The following MED27 variants were observed in gnomAD, a reference collection of about 807,000 sequenced individuals.
MED27 encodes the protein mediator complex subunit 27.
A neutral mutation model predicts 38.2 loss-of-function variants in MED27; 30 were observed. That is an observed-to-expected ratio of 0.79 (90% CI 0.59 to 1.07). MED27 has a LOEUF of 1.07. MED27 is among the 50% of genes least tolerant of loss of function. The pLI, the probability that MED27 is intolerant of heterozygous loss-of-function variation, is 0.00. For synonymous variants in MED27, 122 were observed against 153.5 expected (o/e 0.79, Z 1.52); for missense variants, 289 against 397.5 (o/e 0.73, Z 2.32).
rs1337041272 is a variant in MED27, at chr9:132,077,576, G to A, written c.214C>T (p.Arg72Cys). The change falls in exon 2 of 8, where the codon CGT becomes TGT. Residue 72 changes from arginine (R) to cysteine (C), a missense_variant. Transcript: ENST00000292035. ...GGCTTGCCTACCAGATTGCTCAGAC[G>A]TTCCAGCTCACTGAAAAGCAAAGAG... is the stretch of plus-strand genomic sequence containing the variant. ...SVNRDLNELERLSNLVGKPSE... is the reference protein window; with the variant it reads ...SVNRDLNELECLSNLVGKPSE... 11 of 1,613,928 alleles carry A rather than the reference G, an allele frequency of 6.8e-6. No homozygotes were observed. Among genetic ancestry groups the A allele is most frequent in the African/African-American group, 1.3e-5 (1 of 74,906 alleles).
intron 2 of MED27, among the ~76,000 whole-genome samples, chr9:132,030,136 AG>A (rs1234767601): frequency 6.6e-6 from 1 of 152,218 alleles, no homozygotes; most frequent in African/African-American, 2.4e-5. Context: ...AAGCCTGACC[AG>A]TGTTAGGGGA....
rs187155629 is a variant in MED27, at chr9:131,976,032, G to A, written c.480-36558C>T. ...CAGGGTCTGTGATCAAAGGCCATGG[G>A]GTGTGAGGTAGGCAGTTTTCCACGA... On this transcript the variant is annotated intron_variant, in intron 3 of 7. Transcript: ENST00000292035. Among the ~76,000 whole-genome samples the A allele has an allele frequency of 8.2e-4, 125 of 152,248 alleles. 1 individual carries two copies. The highest frequency in any genetic ancestry group is 7.1e-3 in the Admixed American group (108 of 15,296).
At chr9:131,970,080 G>A (rs570081872) in intron 3 of MED27, among the ~76,000 whole-genome samples, 143 of 152,310 alleles carry the variant, frequency 9.4e-4, no homozygotes, top group Non-Finnish European at 1.5e-3. Context: ...GCCCTGCAGC[G>A]GGAGCCTTGA....
rs528125447 is a variant in MED27, at chr9:131,869,453, G to C, written c.724-6313C>G. 11 of 964,346 alleles carry C rather than the reference G, an allele frequency of 1.1e-5. No homozygotes were observed. In the African/African-American group the frequency reaches 1.8e-4, roughly 15 times the overall value. The allele number at this position is 964,346 out of a possible 1,614,324, so 59.7% of individuals were successfully genotyped here. On this transcript the variant is annotated intron_variant, in intron 6 of 7. Coordinates refer to ENST00000292035, the MANE Select transcript of MED27 (RefSeq NM_004269.4). ...ATCCACTCTGTGGCAGCCGAGGTTC[G>C]GTCCCATTGTGCGGCAAAGCTAATG...
At chr9:131,874,130 C>G (rs1361676216) in intron 6 of MED27, among the ~76,000 whole-genome samples, 1 of 152,218 alleles carries the variant, frequency 6.6e-6, no homozygotes, top group Non-Finnish European at 1.5e-5. Flanking sequence ...GCAATGCCGG[C>G]TCCTGGAGGA....
chr9:132,065,834 G>C, intron 2 of MED27, among the ~76,000 whole-genome samples: 1 of 152,204 alleles, frequency 6.6e-6, no homozygotes, highest in East Asian at 1.9e-4. Context: ...TACCTTAATG[G>C]GCCTCAATGG....
At position 131,881,054 on chromosome 9, in the gene MED27, A is replaced by C. The variant is rs532334250; in HGVS notation, c.723+3004T>G. ...AAGTCATCATTGGCCTTTTGTGGAG[A>C]CTGGAGGAGGGAACTCATTGCAATA... On this transcript the variant is annotated intron_variant, in intron 6 of 7. Transcript: ENST00000292035. Among the ~76,000 whole-genome samples, 3 of 152,284 alleles carry C rather than the reference A, an allele frequency of 2.0e-5. No individual in the cohort carries two copies. The South Asian group carries it at 6.2e-4, about 32-fold the overall frequency.
chr9:131,895,793 C>G (rs937873217), intron 4 of MED27, among the ~76,000 whole-genome samples: 3 of 151,948 alleles, frequency 2.0e-5, no homozygotes, highest in Non-Finnish European at 4.4e-5. Flanking sequence ...ACTGAAAATC[C>G]CTATCTAAGG....
intron 1 of MED27, among the ~76,000 whole-genome samples, chr9:132,077,912 G>C (rs1164667373): frequency 1.3e-5 from 2 of 152,104 alleles, no homozygotes; most frequent in Non-Finnish European, 2.9e-5. Flanking sequence ...CTGGAATTTT[G>C]AAATGTGGTA....
At chr9:132,072,795 T>C (rs1184885653) in intron 2 of MED27, among the ~76,000 whole-genome samples, 1 of 152,126 alleles carries the variant, frequency 6.6e-6, no homozygotes, top group Non-Finnish European at 1.5e-5. Context: ...TCTCCTATTA[T>C]ATTCTGAAGG....
chr9:131,893,220 G>A (rs1330845125), intron 5 of MED27, among the ~76,000 whole-genome samples: 1 of 152,184 alleles, frequency 6.6e-6, no homozygotes, highest in Non-Finnish European at 1.5e-5. Context: ...GCCTGGAAGA[G>A]TGTGGGGCAT....
chr9:131,908,323 A>C (rs183837509), intron 4 of MED27, among the ~76,000 whole-genome samples: 16 of 145,282 alleles, frequency 1.1e-4, no homozygotes, highest in Non-Finnish European at 1.5e-4. Flanking sequence ...CCGGCCGCCC[A>C]TACTGGGAAA....
intron 1 of MED27, 124 bp downstream of exon 1, chr9:132,079,518 G>A (rs1834126979): frequency 4.6e-6 from 4 of 868,180 alleles, no homozygotes; most frequent in Admixed American, 2.4e-5. Context: ...TGGAGAACAA[G>A]AAGAGAAAGA....
intron 4 of MED27, among the ~76,000 whole-genome samples, chr9:131,928,296 A>C (rs897057529): frequency 2.0e-5 from 3 of 152,132 alleles, no homozygotes; most frequent in Non-Finnish European, 4.4e-5. Flanking sequence ...ATGTATCCTG[A>C]GGTGGGTGGA....
intron 2 of MED27, among the ~76,000 whole-genome samples, chr9:132,021,567 C>T (rs886290729): frequency 1.3e-5 from 2 of 152,196 alleles, no homozygotes; most frequent in Non-Finnish European, 2.9e-5. Flanking sequence ...ACCAGGTGCT[C>T]ACCCCATCTG....
chr9:131,939,422 T>C lies in MED27; in HGVS notation c.532A>G (p.Ile178Val), dbSNP rs141051812. The C allele has an allele frequency of 2.5e-6, 4 of 1,612,470 alleles. No homozygotes were observed. The highest frequency in any genetic ancestry group is 1.3e-5 in the African/African-American group (1 of 74,854). ...GTTCCATTGGGTCTGGATAAGTGGA[T>C]GGACATTTCAGGAAACATCCTGTCA... is the stretch of plus-strand genomic sequence containing the variant. The part of the protein sequence containing the change: ...RIDRMFPEMS[I>V]HLSRPNGTSA... The change falls in exon 4 of 8, where the codon ATC (isoleucine) becomes GTC (valine). Residue 178 changes from isoleucine (I) to valine (V), a missense_variant. By Grantham distance (29) the Ile-to-Val change is conservative. Transcript: ENST00000292035.
At position 132,000,312 on chromosome 9, in the gene MED27, A is replaced by G. The variant is rs974429099; in HGVS notation, c.479+14025T>C. 5.3e-5 allele frequency among the ~76,000 whole-genome samples: 8 copies of G among 152,234 alleles called. No homozygotes were observed. The South Asian group carries it at 1.5e-3, about 28-fold the overall frequency. On this transcript the variant is annotated intron_variant, in intron 3 of 7. Coordinates refer to ENST00000292035, the MANE Select transcript of MED27 (RefSeq NM_004269.4). Reference sequence around the variant, plus strand: ...TTAAACCACAATGAGATACCACTGCATACCAGTCAGAATGTCTAAACATTA... The same window carrying G: ...TTAAACCACAATGAGATACCACTGCGTACCAGTCAGAATGTCTAAACATTA...
At chr9:131,959,032 A>G (rs1464903515) in intron 3 of MED27, among the ~76,000 whole-genome samples, 1 of 152,218 alleles carries the variant, frequency 6.6e-6, no homozygotes, top group East Asian at 1.9e-4. Context: ...TTACTACTGA[A>G]GTAAGATATT....
At chr9:131,962,543 A>T in intron 3 of MED27, among the ~76,000 whole-genome samples, 1 of 149,164 alleles carries the variant, frequency 6.7e-6, no homozygotes, top group Non-Finnish European at 1.5e-5. Flanking sequence ...CTGGCGTGTG[A>T]TTTTTTTTTT....
Sources: gnomAD v4.1 joint callset for allele counts (sites outside exome capture counted in the v4.1 genomes callset) on GRCh38, gnomAD v4.1.1 for gene constraint, MANE v1.5 for transcripts, NCBI Gene and HGNC (gene_info 2026-07-23, HGNC 2026-07-21) for gene names.